STRN3: variants seen among roughly 807,000 people sequenced by gnomAD.
The protein encoded by STRN3 is striatin 3.
Under a neutral mutation model 95.6 loss-of-function variants are expected in STRN3, and 29 were observed. The observed-to-expected ratio is 0.30, with a 90% CI of 0.23 to 0.41. The LOEUF is 0.41. STRN3 is among the 10% of genes least tolerant of loss of function. The probability of loss-of-function intolerance (pLI) is 1.00; values close to 1 mark genes in which losing one functional copy is unlikely to be tolerated. For synonymous variants in STRN3, 331 were observed against 357.6 expected (o/e 0.93, Z 0.84); for missense variants, 890 against 972.1 (o/e 0.92, Z 1.12).
rs35736582 is a variant in STRN3 at position 30,933,280 on chromosome 14, T to TAAAAAA, written c.988+1877_988+1882dup. Among the ~76,000 whole-genome samples the TAAAAAA allele has an allele frequency of 1.8e-3, 40 of 22,746 alleles. 2 individuals carry two copies. The highest frequency in any genetic ancestry group is 2.5e-3 in the Admixed American group (3 of 1,214). 14.9% of individuals were successfully genotyped at this position (22,746 alleles called of 152,430 possible). ...GGCAATAAAGCGAGACCCTGTTTCA[T>TAAAAAA]AAAAAAAAAAAAAAAAAAAAAAAAA... On this transcript the variant is annotated intron_variant, in intron 7 of 17. Transcript: ENST00000357479.
At chr14:30,959,314 C>A in intron 1 of STRN3, among the ~76,000 whole-genome samples, 1 of 151,972 alleles carries the variant, frequency 6.6e-6, no homozygotes, top group East Asian at 1.9e-4. Flanking sequence ...CAGAGCAAGA[C>A]CCTGAATGAA....
intron 1 of STRN3, among the ~76,000 whole-genome samples, chr14:30,975,366 A>T (rs142642434): frequency 6.6e-6 from 1 of 151,942 alleles, no homozygotes; most frequent in African/African-American, 2.4e-5. Context: ...ATGCAAAGAC[A>T]TAAGAATGAT....
At chr14:30,952,677 G>A (rs761481368) in intron 3 of STRN3, among the ~76,000 whole-genome samples, 30 of 151,890 alleles carry the variant, frequency 2.0e-4, no homozygotes, top group Admixed American at 5.2e-4. Flanking sequence ...TCCAGCCTGG[G>A]CAATAGAGCA....
At chr14:30,962,905 T>C (rs529737085) in intron 1 of STRN3, among the ~76,000 whole-genome samples, 8 of 152,062 alleles carry the variant, frequency 5.3e-5, no homozygotes, top group Non-Finnish European at 7.4e-5. Flanking sequence ...CAACTGCCTA[T>C]AGTATTCAGT....
Position 31,025,703 on chromosome 14 carries a change from G to A in STRN3, c.282+201C>T, listed in dbSNP as rs73251993. On this transcript the variant is annotated intron_variant, in intron 1 of 17. Coordinates refer to ENST00000357479, the MANE Select transcript of STRN3 (RefSeq NM_001083893.2). ...GGCCCGCACCGCGTAGCCAGTGAAG[G>A]TTGGGGAGCAAGCTTATGCGGGAAA... is the stretch of plus-strand genomic sequence containing the variant. 2,038 of 786,212 alleles carry A rather than the reference G, an allele frequency of 2.6e-3. 28 individuals carry two copies. The African/African-American group carries it at 0.032, about 12-fold the overall frequency. 48.7% of individuals were successfully genotyped at this position (786,212 alleles called of 1,614,324 possible).
At chr14:30,970,546 C>G (rs1368572115) in intron 1 of STRN3, among the ~76,000 whole-genome samples, 7 of 152,160 alleles carry the variant, frequency 4.6e-5, no homozygotes, top group Admixed American at 4.6e-4. Flanking sequence ...AGCCAGTTCC[C>G]TTCTTTATGC....
At chr14:30,946,409 T>C (rs573713379) in intron 5 of STRN3, among the ~76,000 whole-genome samples, 1 of 152,082 alleles carries the variant, frequency 6.6e-6, no homozygotes, top group African/African-American at 2.4e-5. Flanking sequence ...CTGGGCATAG[T>C]GGCGCATGCC....
At position 30,905,557 on chromosome 14, in the gene STRN3, C is replaced by T. The variant is rs1438368204; in HGVS notation, c.1890G>A (p.Lys630=). ...AGTCAACTGATGTAGGTATTCCATG[C>T]TCTGAAATGAGCCCAAAGACAGACA... The part of the protein sequence containing the change: ...PCICTYNGDK[K]HGIPTSVDFI... The change falls in exon 15 of 18, where the codon AAG becomes AAA. Residue 630 remains lysine (K), a splice_region_variant and synonymous_variant. Transcript: ENST00000357479. The T allele has an allele frequency of 6.3e-7, 1 of 1,596,714 alleles. No homozygotes were observed. Among genetic ancestry groups the T allele is most frequent in the Non-Finnish European group, 8.5e-7 (1 of 1,174,304 alleles).
At chr14:30,932,179 A>T (rs2139061549) in intron 7 of STRN3, 1 of 152,460 alleles carries the variant, frequency 6.6e-6, no homozygotes, top group Middle Eastern at 3.4e-3. Flanking sequence ...AGGCAGGAGA[A>T]TCGCTTGAAT....
rs538825676 is a variant in STRN3 at position 31,007,919 on chromosome 14, G to A, written c.282+17985C>T. Reference sequence around the variant, plus strand: ...AAGTAAATAAAAAATTGGGCCTGGCGTGGTGGCTCACACCTGTAATCCAAG... The same window carrying A: ...AAGTAAATAAAAAATTGGGCCTGGCATGGTGGCTCACACCTGTAATCCAAG... On this transcript the variant is annotated intron_variant, in intron 1 of 17. Transcript: ENST00000357479. Among the ~76,000 whole-genome samples, 450 of 152,224 alleles carry A rather than the reference G, an allele frequency of 3.0e-3. 1 individual carries two copies. The highest frequency in any genetic ancestry group is 5.9e-3 in the African/African-American group (245 of 41,530).
At chr14:30,971,051 C>T (rs1880803856) in intron 1 of STRN3, among the ~76,000 whole-genome samples, 1 of 152,266 alleles carries the variant, frequency 6.6e-6, no homozygotes, top group Admixed American at 6.5e-5. Flanking sequence ...CATCTCCCAA[C>T]ACTAAGTTCA....
chr14:31,004,534 G>A (rs1882627571), intron 1 of STRN3, among the ~76,000 whole-genome samples: 1 of 152,112 alleles, frequency 6.6e-6, no homozygotes, highest in Non-Finnish European at 1.5e-5. Context: ...AGCACTTTGG[G>A]AGGCCGAGGC....
intron 1 of STRN3, among the ~76,000 whole-genome samples, chr14:31,006,431 C>A (rs138759380): frequency 0.056 from 8,553 of 152,000 alleles, 432 homozygotes; most frequent in East Asian, 0.21. Flanking sequence ...TGTGGTGGCT[C>A]ACGCCTGTAA....
intron 1 of STRN3, among the ~76,000 whole-genome samples, chr14:30,980,412 C>CT (rs755335383): frequency 5.2e-4 from 79 of 150,810 alleles, no homozygotes; most frequent in Non-Finnish European, 8.3e-4. Flanking sequence ...CTTTTTTTTT[C>CT]TTTTTTTTGT....
intron 1 of STRN3, among the ~76,000 whole-genome samples, chr14:31,017,862 G>C (rs530137146): frequency 6.6e-6 from 1 of 152,096 alleles, no homozygotes; most frequent in Admixed American, 6.6e-5. Context: ...GATCACTTGA[G>C]GTCAGGAGTT....
chr14:30,931,509 T>C (rs1294486203), intron 7 of STRN3, among the ~76,000 whole-genome samples: 1 of 152,212 alleles, frequency 6.6e-6, no homozygotes, highest in African/African-American at 2.4e-5. Context: ...ACAAATCTAT[T>C]AACTGTAGCA....
chr14:30,906,468 A>G (rs1178321107), intron 14 of STRN3, among the ~76,000 whole-genome samples: 1 of 152,156 alleles, frequency 6.6e-6, no homozygotes, highest in African/African-American at 2.4e-5. Flanking sequence ...TTAGGGGTTC[A>G]GTGACTATGG....
intron 1 of STRN3, among the ~76,000 whole-genome samples, chr14:30,985,182 C>A (rs1277754956): frequency 1.3e-5 from 2 of 150,620 alleles, no homozygotes; most frequent in Non-Finnish European, 2.9e-5. Flanking sequence ...CAGCCGGGTG[C>A]CTGTAATCCC....
At chr14:30,953,272 T>A (rs1454603492) in intron 3 of STRN3, among the ~76,000 whole-genome samples, 1 of 152,118 alleles carries the variant, frequency 6.6e-6, no homozygotes, top group East Asian at 1.9e-4. Flanking sequence ...ATTATCAGCA[T>A]CCCCAAAAGC....
Sources: allele counts gnomAD v4.1 joint callset (sites outside exome capture counted in the v4.1 genomes callset), GRCh38; gene constraint gnomAD v4.1.1; transcripts MANE v1.5; gene names NCBI Gene and HGNC (gene_info 2026-07-23, HGNC 2026-07-21).